The following KCTD19 variants were observed in gnomAD, a reference collection of about 807,000 sequenced individuals.
KCTD19 encodes potassium channel tetramerization domain containing 19, also known as BTB/POZ domain-containing protein KCTD19.
In KCTD19, 67 loss-of-function variants were observed where a neutral mutation model predicts 103.5. The observed-to-expected ratio is 0.65, with a 90% CI of 0.53 to 0.79. The LOEUF (loss-of-function observed/expected upper bound fraction) is 0.79. Ranked by LOEUF, KCTD19 falls within the 30% of genes least tolerant of loss-of-function variation. The pLI is 0.00. For missense variants in KCTD19, 980 were observed against 1,136.1 expected (o/e 0.86, Z 1.98); for synonymous variants, 439 against 452.2 (o/e 0.97, Z 0.37).
chr16:67,297,228 A>G (rs916851476), intron 7 of KCTD19, among the ~76,000 whole-genome samples: 2 of 152,206 alleles, frequency 1.3e-5, no homozygotes, highest in Admixed American at 1.3e-4. Flanking sequence ...ACAGCAAGTC[A>G]GCTCCCAGGG....
intron 2 of KCTD19, among the ~76,000 whole-genome samples, chr16:67,306,147 A>G (rs919511090): frequency 3.3e-5 from 5 of 152,240 alleles, no homozygotes; most frequent in Non-Finnish European, 7.3e-5. Flanking sequence ...GCCTGCCCTC[A>G]AGAAGCTCTC....
chr16:67,298,104 C>T (rs958946523), intron 6 of KCTD19, among the ~76,000 whole-genome samples: 2 of 151,718 alleles, frequency 1.3e-5, no homozygotes, highest in African/African-American at 4.8e-5. Context: ...TGCCATTCTC[C>T]TACCTCAGCC....
rs1367731782 is a variant in KCTD19, at chr16:67,304,528, C to T, written c.344G>A (p.Arg115Gln). 5 of 1,613,946 alleles carry T rather than the reference C, an allele frequency of 3.1e-6. No individual in the cohort carries two copies. Among genetic ancestry groups the T allele is most frequent in the East Asian group, 2.2e-5 (1 of 44,888 alleles). The part of the protein sequence containing the change: ...LKEGKHHLRV[R>Q]PADLPVAERA... ...CTCAGCAACAGGTAGGTCTGCAGGC[C>T]GTACGCGTAGATGGTGTTTCCCTTC... Residue 115 changes from arginine (R) to glutamine (Q), a missense_variant, in exon 3 of 16, where the codon CGG becomes CAG. Arg to Gln is a conservative substitution (Grantham distance 43, BLOSUM62 1). Coordinates refer to ENST00000304372, the MANE Select transcript of KCTD19 (RefSeq NM_001100915.3).
At chr16:67,298,402 A>G (rs1296780535) in intron 6 of KCTD19, among the ~76,000 whole-genome samples, 1 of 152,158 alleles carries the variant, frequency 6.6e-6, no homozygotes, top group Non-Finnish European at 1.5e-5. Context: ...AGCCCTCTAA[A>G]TGGACTAATT....
rs1039143353 is a variant in KCTD19, at chr16:67,307,219, G to T, written c.301-2648C>A. Among the ~76,000 whole-genome samples the T allele has an allele frequency of 4.0e-5, 6 of 151,508 alleles. No homozygotes were observed. In the South Asian group the frequency reaches 1.3e-3, roughly 32 times the overall value. On this transcript the variant is annotated intron_variant, in intron 2 of 15. Transcript: ENST00000304372. Reference sequence around the variant, plus strand: ...GCTGGAGTGCAGTGGCATGATCACAGCTCACTGCAGCCTTGACCTACTGGG... The same window carrying T: ...GCTGGAGTGCAGTGGCATGATCACATCTCACTGCAGCCTTGACCTACTGGG...
In KCTD19 at chr16:67,299,814, G is replaced by C. The variant is rs1238298045; in HGVS notation, c.776-241C>G. ...TTGGGAGTGGGGGGATTCATTTGCT[G>C]TATCACTAGCATCTGAATTTCCTAA... On this transcript the variant is annotated intron_variant, in intron 5 of 15. Coordinates refer to ENST00000304372, the MANE Select transcript of KCTD19 (RefSeq NM_001100915.3). 1.5e-5 allele frequency: 8 copies of C among 533,806 alleles called. 1 individual carries two copies. The highest frequency in any genetic ancestry group is 1.1e-4 in the South Asian group (4 of 35,074). The allele number at this position is 533,806 out of a possible 1,614,324, so 33.1% of individuals were successfully genotyped here.
intron 2 of KCTD19, among the ~76,000 whole-genome samples, chr16:67,304,782 G>A (rs2036874403): frequency 6.6e-6 from 1 of 151,926 alleles, no homozygotes; most frequent in Non-Finnish European, 1.5e-5. Flanking sequence ...TCCTGCCTCA[G>A]CCTCTCGAGT....
At position 67,291,881 on chromosome 16, in the gene KCTD19, A is replaced by T. The variant is rs181038940; in HGVS notation, c.2219-44T>A. On this transcript the variant is annotated intron_variant, in intron 12 of 15. Coordinates refer to ENST00000304372, the MANE Select transcript of KCTD19 (RefSeq NM_001100915.3). ...GAGGGGGCTCTCCTTTTAAAAAAAA[A>T]TTTTTTTTCAAGATAGAGTTTTGCT... 1.6e-3 allele frequency: 2,220 copies of T among 1,406,230 alleles called. 5 individuals are homozygous for T. The highest frequency in any genetic ancestry group is 1.9e-3 in the Non-Finnish European group (2,008 of 1,049,154). The allele number at this position is 1,406,230 out of a possible 1,614,324, so 87.1% of individuals were successfully genotyped here.
In KCTD19 at chr16:67,294,566, A is replaced by G; in HGVS notation, c.1590+14T>C. On this transcript the variant is annotated intron_variant, in intron 11 of 15. Transcript: ENST00000304372. ...TTTTGAGGATAACACCAACCAGAGG[A>G]GGCTGGTGCTTACTTCTTTAGTGTC... 6.5e-7 allele frequency: 1 copy of G among 1,546,390 alleles called. No individual in the cohort carries two copies. Among genetic ancestry groups the G allele is most frequent in the East Asian group, 2.2e-5 (1 of 44,584 alleles).
At chr16:67,304,337 C>G in intron 3 of KCTD19, 84 bp downstream of exon 3, 1 of 1,369,684 alleles carries the variant, frequency 7.3e-7, no homozygotes, top group Non-Finnish European at 1.0e-6. Context: ...ACTCTCTGCT[C>G]TCTGGATGGA....
rs189589116 is a variant in KCTD19, at chr16:67,304,766, C to T, written c.301-195G>A. 5.9e-5 allele frequency among the ~76,000 whole-genome samples: 9 copies of T among 151,784 alleles called. No homozygotes were observed. In the East Asian group the frequency reaches 1.4e-3, roughly 23 times the overall value. ...GCAACCTCCACCTCCTGGGTTCAAG[C>T]GATTCTCCTGCCTCAGCCTCTCGAG... On this transcript the variant is annotated intron_variant, in intron 2 of 15. Coordinates refer to ENST00000304372, the MANE Select transcript of KCTD19 (RefSeq NM_001100915.3).
At chr16:67,319,311 T>C (rs1202942028) in intron 2 of KCTD19, among the ~76,000 whole-genome samples, 1 of 152,140 alleles carries the variant, frequency 6.6e-6, no homozygotes, top group Non-Finnish European at 1.5e-5. Flanking sequence ...TAAGCATCCA[T>C]GAAAACATGC....
chr16:67,305,661 C>T lies in KCTD19; in HGVS notation c.301-1090G>A, dbSNP rs565322903. On this transcript the variant is annotated intron_variant, in intron 2 of 15. Transcript: ENST00000304372. ...ATCAGCACCCCCTCCCTTTTTTTTT[C>T]TGTCTTTACGCTAGAAGAAGATACA... The T allele has an allele frequency of 8.8e-4, 395 of 449,258 alleles. 1 individual carries two copies. Among genetic ancestry groups the T allele is most frequent in the South Asian group, 6.0e-3 (379 of 63,512 alleles). The allele number at this position is 449,258 out of a possible 1,614,324, so 27.8% of individuals were successfully genotyped here.
chr16:67,305,584 C>A, intron 2 of KCTD19: 2 of 455,822 alleles, frequency 4.4e-6, no homozygotes, highest in Non-Finnish European at 8.8e-6. Flanking sequence ...GCCGCCCTTA[C>A]CCAGGGACCC....
chr16:67,295,649 G>A (rs375586320), intron 8 of KCTD19: 21 of 410,570 alleles, frequency 5.1e-5, no homozygotes, highest in African/African-American at 2.0e-4. Flanking sequence ...GAAGCCCACC[G>A]TACCTCCTTC....
In KCTD19 at chr16:67,318,768, G is replaced by C. The variant is rs77275342; in HGVS notation, c.300+1821C>G. The stretch of plus-strand genomic sequence containing the variant: ...TACCTCAAAATGATGCCTTGGCGTA[G>C]AGTCATCAGCAATCCTGTCATGACA... On this transcript the variant is annotated intron_variant, in intron 2 of 15. Transcript: ENST00000304372. 5.0e-3 allele frequency among the ~76,000 whole-genome samples: 766 copies of C among 151,984 alleles called. 8 individuals are homozygous for C. Among genetic ancestry groups the C allele is most frequent in the African/African-American group, 0.017 (702 of 41,440 alleles).
intron 2 of KCTD19, among the ~76,000 whole-genome samples, chr16:67,318,707 T>C (rs1464981760): frequency 6.6e-6 from 1 of 152,124 alleles, no homozygotes; most frequent in Non-Finnish European, 1.5e-5. Context: ...CCTTGATCTC[T>C]GATTTTCTGC....
In KCTD19 at chr16:67,324,419, A is replaced by T. The variant is rs568308743; in HGVS notation, c.3+2286T>A. 9.0e-4 allele frequency among the ~76,000 whole-genome samples: 137 copies of T among 152,352 alleles called. No individual in the cohort carries two copies. The Middle Eastern group carries it at 0.01, about 11-fold the overall frequency. On this transcript the variant is annotated intron_variant, in intron 1 of 15. Transcript: ENST00000304372. ...GAAGTGATTGGACTGCAATGTACTG[A>T]TATCTGCAATTTATTTTGAGATGAA...
rs2036858668 is a variant in KCTD19 at position 67,303,329 on chromosome 16, C to T, written c.460G>A (p.Asp154Asn). 1 of 1,610,842 alleles carries T rather than the reference C, an allele frequency of 6.2e-7. No homozygotes were observed. Among genetic ancestry groups the T allele is most frequent in the Non-Finnish European group, 8.5e-7 (1 of 1,178,236 alleles). Residue 154 changes from aspartate (D) to asparagine (N), a missense_variant, in exon 4 of 16, where the codon GAT becomes AAT. By Grantham distance (23) the Asp-to-Asn change is conservative. Coordinates refer to ENST00000304372, the MANE Select transcript of KCTD19 (RefSeq NM_001100915.3). The surrounding 1 kb of genome is among the most constrained non-coding windows in gnomAD (Gnocchi z 4.3). Reference sequence around the variant, plus strand: ...TCCATGAGCCCCAGAGGTGCCTTATCATGTAGGCCTGGAAGAGAACATGCA... The same window carrying T: ...TCCATGAGCCCCAGAGGTGCCTTATTATGTAGGCCTGGAAGAGAACATGCA... Reference protein sequence around the residue: ...IKSPAFTGLHDKAPLGLMDTP... With the variant: ...IKSPAFTGLHNKAPLGLMDTP...
Sources: gnomAD v4.1 joint callset for allele counts (sites outside exome capture counted in the v4.1 genomes callset) on GRCh38, gnomAD v4.1.1 for gene constraint, Gnocchi (gnomAD v3.1) non-coding constraint, MANE v1.5 for transcripts, NCBI Gene and HGNC (gene_info 2026-07-23, HGNC 2026-07-21) for gene names.